Variants in AP2A2 observed in about 807,000 individuals in gnomAD.
AP2A2 encodes the protein adaptor related protein complex 2 subunit alpha 2, also known as AP-2 complex subunit alpha-2.
AP2A2 carries 32 observed loss-of-function variants against 104.2 expected under a neutral mutation model. The observed-to-expected ratio is 0.31, with a 90% CI of 0.23 to 0.41. AP2A2 has a LOEUF of 0.41. AP2A2 is among the 10% of genes least tolerant of loss of function. The pLI is 1.00. For missense variants in AP2A2, 912 were observed against 1,261.0 expected, an observed-to-expected ratio of 0.72 and a Z score of 4.19; for synonymous variants, 539 against 533.3, an observed-to-expected ratio of 1.01 and a Z score of -0.15.
Position 986,767 on chromosome 11 carries a change from TC to T in AP2A2, c.963-14del. ...ACTTGCTGAGGAAACCCCACCCACT[TC>T]CCCTCCCTCCACACAGTGAGCCGAA... On this transcript the variant is annotated splice_polypyrimidine_tract_variant and intron_variant, in intron 8 of 21. Coordinates refer to ENST00000448903, the MANE Select transcript of AP2A2 (RefSeq NM_012305.4). 2 of 1,609,634 alleles carry T rather than the reference TC, an allele frequency of 1.2e-6. No homozygotes were observed. Among genetic ancestry groups the T allele is most frequent in the Non-Finnish European group, 1.7e-6 (2 of 1,178,346 alleles).
intron 14 of AP2A2, among the ~76,000 whole-genome samples, chr11:994,594 C>G (rs962694338): frequency 1.4e-5 from 2 of 146,086 alleles, no homozygotes; most frequent in Non-Finnish European, 3.0e-5. Flanking sequence ...GTTGTCCTGT[C>G]CCGGGGGCCA....
At chr11:960,534 G>A (rs1256050215) in intron 2 of AP2A2, among the ~76,000 whole-genome samples, 2 of 151,532 alleles carry the variant, frequency 1.3e-5, no homozygotes, top group African/African-American at 2.4e-5. Flanking sequence ...CACTGTGCCC[G>A]GCCCAGCTGA....
chr11:963,345 G>A (rs1388385816), intron 2 of AP2A2, among the ~76,000 whole-genome samples: 1 of 152,014 alleles, frequency 6.6e-6, no homozygotes, highest in Non-Finnish European at 1.5e-5. Flanking sequence ...AGAATCGCTT[G>A]AACCTAGGAG....
chr11:960,142 G>C (rs896473733), intron 2 of AP2A2, among the ~76,000 whole-genome samples: 1 of 152,148 alleles, frequency 6.6e-6, no homozygotes, highest in Non-Finnish European at 1.5e-5. Flanking sequence ...TGACCCCTGT[G>C]GAACTGGAGG....
intron 14 of AP2A2, chr11:995,436 G>A (rs896477171): frequency 2.6e-5 from 12 of 455,520 alleles, no homozygotes; most frequent in African/African-American, 1.6e-4. Context: ...GGGGTCAGGC[G>A]GGCTTTCTGT....
intron 1 of AP2A2, among the ~76,000 whole-genome samples, chr11:931,265 C>G (rs1406147896): frequency 6.6e-6 from 1 of 151,844 alleles, no homozygotes; most frequent in Non-Finnish European, 1.5e-5. Flanking sequence ...GAAACAAGAC[C>G]ATAATTATTT....
Position 982,405 on chromosome 11 carries a change from G to T in AP2A2, c.705+1106G>T, listed in dbSNP as rs867206194. 5.9e-4 allele frequency among the ~76,000 whole-genome samples: 90 copies of T among 152,266 alleles called. No homozygotes were observed. The Middle Eastern group carries it at 0.02, about 35-fold the overall frequency. On this transcript the variant is annotated intron_variant, in intron 6 of 21. Coordinates refer to ENST00000448903, the MANE Select transcript of AP2A2 (RefSeq NM_012305.4). ...ATTATCAATGAGGTTGAGCAACTTT[G>T]CATGTTGATTGGCTGTTTGGGTGTC... is the stretch of plus-strand genomic sequence containing the variant.
chr11:953,642 C>T (rs975128810), intron 1 of AP2A2, among the ~76,000 whole-genome samples: 7 of 150,228 alleles, frequency 4.7e-5, no homozygotes, highest in African/African-American at 1.2e-4. Context: ...CGTCTGCCTC[C>T]GTCTGCCTGC....
chr11:978,514 T>C (rs755498805), intron 5 of AP2A2, among the ~76,000 whole-genome samples: 6 of 152,176 alleles, frequency 3.9e-5, no homozygotes, highest in Non-Finnish European at 5.9e-5. Context: ...ACCAGGCACT[T>C]GAGTCAGCAT....
In AP2A2 at chr11:925,964, G is replaced by A. The variant is rs1415609119; in HGVS notation, c.-58G>A. The A allele has an allele frequency of 5.3e-6, 7 of 1,309,644 alleles. No homozygotes were observed. Among genetic ancestry groups the A allele is most frequent in the Non-Finnish European group, 7.0e-6 (7 of 999,840 alleles). The allele number at this position is 1,309,644 out of a possible 1,614,324, so 81.1% of individuals were successfully genotyped here. A position where few individuals can be genotyped will look rare whatever the true frequency, so the allele number is the denominator to read the frequency against. On this transcript the variant is annotated 5_prime_UTR_variant, in exon 1 of 22. Coordinates refer to ENST00000448903, the MANE Select transcript of AP2A2 (RefSeq NM_012305.4). Reference sequence around the variant, plus strand: ...ACGGCGACCGCACTCCCCGCTTCCCGCTCCCCGCGCTCCTCCGCCCGGGTC... The same window carrying A: ...ACGGCGACCGCACTCCCCGCTTCCCACTCCCCGCGCTCCTCCGCCCGGGTC...
intron 1 of AP2A2, among the ~76,000 whole-genome samples, chr11:933,014 A>C (rs772909423): frequency 3.3e-5 from 5 of 152,240 alleles, no homozygotes; most frequent in Non-Finnish European, 7.3e-5. Flanking sequence ...TCACGCCTGT[A>C]ATCCCAGCAC....
At chr11:983,235 G>A (rs982146311) in intron 6 of AP2A2, among the ~76,000 whole-genome samples, 7 of 151,624 alleles carry the variant, frequency 4.6e-5, no homozygotes, top group African/African-American at 1.7e-4. Context: ...GGCCAGGCTG[G>A]TTGCGAACTC....
chr11:986,297 TGA>T (rs1855454223), intron 8 of AP2A2, among the ~76,000 whole-genome samples: 1 of 152,248 alleles, frequency 6.6e-6, no homozygotes, highest in African/African-American at 2.4e-5. Flanking sequence ...ACTTCAGAAC[TGA>T]GAGTTATTAA....
intron 14 of AP2A2, among the ~76,000 whole-genome samples, chr11:996,816 G>C (rs996465558): frequency 6.6e-6 from 1 of 152,134 alleles, no homozygotes; most frequent in Non-Finnish European, 1.5e-5. Context: ...GTCTGTGGCC[G>C]AGGCACGCAG....
chr11:1,010,996 CTG>C lies in AP2A2; in HGVS notation c.*372_*373del, dbSNP rs746658104. 1.0e-5 allele frequency: 7 copies of C among 699,180 alleles called. No individual in the cohort carries two copies. The highest frequency in any genetic ancestry group is 1.9e-5 in the Non-Finnish European group (7 of 376,860). 43.3% of individuals were successfully genotyped at this position (699,180 alleles called of 1,614,324 possible). On this transcript the variant is annotated 3_prime_UTR_variant, in exon 22 of 22. Coordinates refer to ENST00000448903, the MANE Select transcript of AP2A2 (RefSeq NM_012305.4). ...TGCCGCCCACCCCGCCTCGGAGCCT[CTG>C]GGAGCAGCAGTGCCACTGTGCATGG... is the stretch of plus-strand genomic sequence containing the variant.
intron 1 of AP2A2, chr11:940,840 GC>G (rs1564783348): frequency 2.2e-6 from 1 of 456,264 alleles, no homozygotes; most frequent in South Asian, 1.5e-5. Context: ...CTGAGGAGGA[GC>G]CTGAATGCTG....
chr11:937,297 G>A (rs1481128887), intron 1 of AP2A2, among the ~76,000 whole-genome samples: 1 of 152,056 alleles, frequency 6.6e-6, no homozygotes, highest in Admixed American at 6.6e-5. Context: ...TGGGATTACA[G>A]GTGTGCGCCA....
At chr11:979,142 C>T (rs1311073119) in intron 5 of AP2A2, among the ~76,000 whole-genome samples, 3 of 151,470 alleles carry the variant, frequency 2.0e-5, no homozygotes, top group Non-Finnish European at 4.4e-5. Flanking sequence ...GTGTGCCCCT[C>T]GAGAGGCCTC....
Position 1,000,548 on chromosome 11 carries a change from GGCCTCTGTGGTCGC to G in AP2A2, c.2080_2093del (p.Val694ArgfsTer14). The G allele has an allele frequency of 6.5e-7, 1 of 1,550,046 alleles. No homozygotes were observed. The highest frequency in any genetic ancestry group is 8.7e-7 in the Non-Finnish European group (1 of 1,153,176). ...TGCTCGTGGACGTGTTCTCAGACTCGGCCTCTGTGGTCGCGCCTCTCGCTCCTGGCTCCGAAGAC... is the reference window on the plus strand; with the variant it reads ...TGCTCGTGGACGTGTTCTCAGACTCGGCCTCTCGCTCCTGGCTCCGAAGAC... On this transcript the variant is annotated frameshift_variant, in exon 15 of 22. Coordinates refer to ENST00000448903, the MANE Select transcript of AP2A2 (RefSeq NM_012305.4). LOFTEE classifies it high-confidence loss of function.
Sources: gnomAD v4.1 joint callset for allele counts (sites outside exome capture counted in the v4.1 genomes callset) on GRCh38, gnomAD v4.1.1 for gene constraint, MANE v1.5 for transcripts, NCBI Gene and HGNC (gene_info 2026-07-23, HGNC 2026-07-21) for gene names.